The following RBBP5 variants were observed in gnomAD, a reference collection of about 807,000 sequenced individuals.
RBBP5 encodes the protein retinoblastoma-binding protein 5.
Under a neutral mutation model 72.2 loss-of-function variants are expected in RBBP5, and 5 were observed. The ratio of observed to expected loss-of-function variants is 0.07; its 90% CI spans 0.04 to 0.15. The LOEUF (loss-of-function observed/expected upper bound fraction) is 0.15, where lower values mean the gene tolerates loss of function less well. Ranked by LOEUF, RBBP5 falls within the 10% of genes least tolerant of loss-of-function variation. The pLI is 1.00. For synonymous variants in RBBP5, 209 were observed against 237.2 expected, an observed-to-expected ratio of 0.88 and a Z score of 1.09; for missense variants, 322 against 652.2, an observed-to-expected ratio of 0.49 and a Z score of 5.51.
intron 13 of RBBP5, among the ~76,000 whole-genome samples, chr1:205,090,160 A>G (rs1011511618): frequency 7.2e-5 from 11 of 152,158 alleles, no homozygotes; most frequent in African/African-American, 2.7e-4. Context: ...AGCTACATTG[A>G]TTTTTAAAAA....
chr1:205,097,956 G>C (rs1655679787), intron 10 of RBBP5, among the ~76,000 whole-genome samples: 1 of 151,940 alleles, frequency 6.6e-6, no homozygotes, highest in Non-Finnish European at 1.5e-5. Context: ...AGTGCCAACT[G>C]GGCATCCTAA....
intron 2 of RBBP5, 80 bp downstream of exon 2, chr1:205,115,778 A>T (rs1656495664): frequency 1.4e-6 from 2 of 1,426,768 alleles, no homozygotes; most frequent in South Asian, 3.1e-5. Context: ...AAACACAAGG[A>T]TCAAAAAGTA....
At chr1:205,117,205 G>A (rs1047860962) in intron 1 of RBBP5, among the ~76,000 whole-genome samples, 5 of 151,872 alleles carry the variant, frequency 3.3e-5, no homozygotes, top group African/African-American at 1.2e-4. Context: ...CAGGCATGTG[G>A]CACCATGCCC....
At chr1:205,093,556 A>ACACACACACACACACACACACACACG (rs1655490671) in intron 13 of RBBP5, among the ~76,000 whole-genome samples, 1 of 123,160 alleles carries the variant, frequency 8.1e-6, no homozygotes, top group Admixed American at 8.7e-5. Context: ...ACACACACAC[A>ACACACACACACACACACACACACACG]CACACACACA....
At chr1:205,104,151 G>T in intron 4 of RBBP5, 132 bp from the exon 5 acceptor site, 2 of 924,316 alleles carry the variant, frequency 2.2e-6, no homozygotes, top group Non-Finnish European at 3.2e-6. Flanking sequence ...CAGTGAAAAA[G>T]CATAAAATCC....
At chr1:205,119,210 T>C (rs1345132528) in intron 1 of RBBP5, among the ~76,000 whole-genome samples, 2 of 152,100 alleles carry the variant, frequency 1.3e-5, no homozygotes, top group Non-Finnish European at 2.9e-5. Context: ...TTGGCCAACA[T>C]GGTGAAACCC....
intron 1 of RBBP5, among the ~76,000 whole-genome samples, chr1:205,118,354 G>A (rs1029413229): frequency 1.3e-5 from 2 of 151,798 alleles, no homozygotes; most frequent in Non-Finnish European, 1.5e-5. Context: ...GCTCACGCCT[G>A]TAATCCCAGC....
At chr1:205,113,445 AATTT>A (rs1656396871) in intron 3 of RBBP5, among the ~76,000 whole-genome samples, 1 of 151,792 alleles carries the variant, frequency 6.6e-6, no homozygotes, top group Non-Finnish European at 1.5e-5. Flanking sequence ...ACACCCAGCT[AATTT>A]TTTTACTTTT....
At chr1:205,108,446 T>C (rs759566719) in intron 3 of RBBP5, among the ~76,000 whole-genome samples, 1 of 152,154 alleles carries the variant, frequency 6.6e-6, no homozygotes, top group Non-Finnish European at 1.5e-5. Context: ...ATACAACTTA[T>C]CACCAGTAGA....
intron 13 of RBBP5, among the ~76,000 whole-genome samples, chr1:205,092,479 C>G (rs1296577044): frequency 6.6e-6 from 1 of 151,906 alleles, no homozygotes; most frequent in Non-Finnish European, 1.5e-5. Context: ...CAGGGTCTCA[C>G]TCTGTTACCC....
chr1:205,096,760 A>G lies in RBBP5; in HGVS notation c.1318T>C (p.Ser440Pro). The G allele has an allele frequency of 1.2e-6, 2 of 1,614,168 alleles. No homozygotes were observed. Among genetic ancestry groups the G allele is most frequent in the Non-Finnish European group, 1.7e-6 (2 of 1,180,040 alleles). The change falls in exon 12 of 14, where the codon TCC becomes CCC. Residue 440 changes from serine (S) to proline (P), a missense_variant. By Grantham distance (74) the Ser-to-Pro change is moderately conservative. Coordinates refer to ENST00000264515, the MANE Select transcript of RBBP5 (RefSeq NM_005057.4). ...GGTGGCTGGGACCCATCTGCTGAGG[A>G]CTGCCTCTTCTTCTCTGAACTAGCC... is the stretch of plus-strand genomic sequence containing the variant. ...EGASSEKKRQ[S>P]SADGSQPPKK...
intron 4 of RBBP5, 74 bp from the exon 5 acceptor site, chr1:205,104,093 A>G: frequency 6.7e-7 from 1 of 1,500,836 alleles, no homozygotes. Flanking sequence ...CTTTTCCCTG[A>G]TCCCTGTCCA....
chr1:205,111,851 T>A (rs1286399091), intron 3 of RBBP5, among the ~76,000 whole-genome samples: 1 of 152,134 alleles, frequency 6.6e-6, no homozygotes, highest in East Asian at 1.9e-4. Flanking sequence ...ATGAGGACCT[T>A]GGTTTACCTT....
At chr1:205,103,753 T>C (rs977325134) in intron 5 of RBBP5, 104 bp downstream of exon 5, 2 of 1,317,742 alleles carry the variant, frequency 1.5e-6, no homozygotes, top group Non-Finnish European at 2.1e-6. Flanking sequence ...AGAAAGGAGC[T>C]GTGCTTAGTC....
At chr1:205,103,784 A>C (rs1655940818) in intron 5 of RBBP5, 73 bp downstream of exon 5, 4 of 1,542,014 alleles carry the variant, frequency 2.6e-6, no homozygotes, top group Non-Finnish European at 3.5e-6. Flanking sequence ...AACAATTTTC[A>C]AAAGAAACAA....
chr1:205,104,194 A>C (rs999108918), intron 4 of RBBP5, among the ~76,000 whole-genome samples, 175 bp from the exon 5 acceptor site: 3 of 152,182 alleles, frequency 2.0e-5, no homozygotes, highest in Non-Finnish European at 1.5e-5. Context: ...TTCTGAGTAA[A>C]ATTAGTCTTG....
chr1:205,115,003 C>T, intron 2 of RBBP5, 42 bp from the exon 3 acceptor site: 1 of 1,495,432 alleles, frequency 6.7e-7, no homozygotes, highest in East Asian at 2.4e-5. Context: ...CAACAATAGC[C>T]AGGTATCCAA....
chr1:205,111,863 G>T (rs1656328105), intron 3 of RBBP5, among the ~76,000 whole-genome samples: 1 of 152,038 alleles, frequency 6.6e-6, no homozygotes, highest in African/African-American at 2.4e-5. Context: ...GTTTACCTTG[G>T]CTCTTGTCAT....
intron 13 of RBBP5, among the ~76,000 whole-genome samples, chr1:205,092,746 T>C (rs1239303639): frequency 6.6e-6 from 1 of 151,416 alleles, no homozygotes; most frequent in African/African-American, 2.4e-5. Context: ...TTTTTCTTGT[T>C]TGTTTGATTG....
Sources: allele counts gnomAD v4.1 joint callset (sites outside exome capture counted in the v4.1 genomes callset), GRCh38; gene constraint gnomAD v4.1.1; transcripts MANE v1.5; gene names NCBI Gene and HGNC (gene_info 2026-07-23, HGNC 2026-07-21).